The following AGBL1 variants were observed in gnomAD, a reference collection of about 807,000 sequenced individuals.
The protein encoded by AGBL1 is AGBL carboxypeptidase 1, also known as cytosolic carboxypeptidase 4.
AGBL1 carries 130 observed loss-of-function variants against 118.9 expected under a neutral mutation model. That is an observed-to-expected ratio of 1.09 (90% CI 0.95 to 1.26). AGBL1 has a LOEUF of 1.26. Ranked by LOEUF, AGBL1 falls within the 50% of genes most tolerant of loss-of-function variation. The probability of loss-of-function intolerance (pLI) is 0.00; values close to 1 mark genes in which losing one functional copy is unlikely to be tolerated. For synonymous variants in AGBL1, 555 were observed against 478.9 expected (o/e 1.16, Z -2.08); for missense variants, 1,584 against 1,298.1 (o/e 1.22, Z -3.38).
At chr15:86,797,481 C>T (rs552457959) in intron 22 of AGBL1, among the ~76,000 whole-genome samples, 12 of 152,316 alleles carry the variant, frequency 7.9e-5, no homozygotes, top group Admixed American at 6.5e-4. Flanking sequence ...GGCATTTCAA[C>T]CTGCTCACTC....
Position 86,225,090 on chromosome 15 carries a change from C to T in AGBL1, c.526+139C>T. The T allele has an allele frequency of 4.6e-6, 4 of 860,526 alleles. No homozygotes were observed. The South Asian group carries it at 6.7e-5, about 14-fold the overall frequency. 53.3% of individuals were successfully genotyped at this position (860,526 alleles called of 1,614,324 possible). A position where few individuals can be genotyped will look rare whatever the true frequency, so the allele number is the denominator to read the frequency against. ...TCAATCACCTATGGCTAATTCCTGA[C>T]CTTGAAAGTGATAAAGTCATGTCGT... On this transcript the variant is annotated intron_variant, in intron 6 of 22. Transcript: ENST00000614907.
At chr15:86,542,355 G>A (rs1283488757) in intron 19 of AGBL1, among the ~76,000 whole-genome samples, 1 of 112,260 alleles carries the variant, frequency 8.9e-6, no homozygotes, top group Admixed American at 9.0e-5. Flanking sequence ...CCACCATTGA[G>A]ATTTTTTTTT....
intron 22 of AGBL1, among the ~76,000 whole-genome samples, chr15:86,703,345 G>C (rs2086392738): frequency 6.6e-6 from 1 of 152,136 alleles, no homozygotes; most frequent in Non-Finnish European, 1.5e-5. Context: ...GAGCCATATG[G>C]CGTGACTTTA....
intron 5 of AGBL1, among the ~76,000 whole-genome samples, chr15:86,187,151 A>G (rs893560480): frequency 6.6e-6 from 1 of 152,230 alleles, no homozygotes; most frequent in African/African-American, 2.4e-5. Context: ...CCCATCCACA[A>G]ATCAGTTAAC....
intron 22 of AGBL1, among the ~76,000 whole-genome samples, chr15:86,703,056 A>T (rs1482845902): frequency 3.9e-5 from 6 of 152,160 alleles, no homozygotes; most frequent in Non-Finnish European, 7.3e-5. Context: ...CAGTTATTGT[A>T]GTGTCTCAGA....
chr15:86,987,474 C>A (rs889819346), intron 23 of AGBL1, among the ~76,000 whole-genome samples: 1 of 152,008 alleles, frequency 6.6e-6, no homozygotes, highest in South Asian at 2.1e-4. Context: ...AATTGTATGC[C>A]TTTTATTTCT....
At chr15:86,108,299 G>A (rs1482477945) in intron 1 of AGBL1, among the ~76,000 whole-genome samples, 1 of 152,190 alleles carries the variant, frequency 6.6e-6, no homozygotes, top group Admixed American at 6.5e-5. Context: ...AGAAAGGTGA[G>A]ATGATTTTGA....
intron 22 of AGBL1, among the ~76,000 whole-genome samples, chr15:86,757,986 T>A (rs1225736906): frequency 2.0e-5 from 3 of 152,130 alleles, no homozygotes; most frequent in African/African-American, 7.2e-5. Context: ...TTCCTCCTCT[T>A]TATTTAAAGC....
intron 1 of AGBL1, 176 bp downstream of exon 1, chr15:86,080,199 A>G (rs1895172718): frequency 9.7e-6 from 4 of 410,758 alleles, no homozygotes; most frequent in Non-Finnish European, 1.7e-5. Flanking sequence ...TATGGAATTC[A>G]AATATTAAAC....
At chr15:86,456,024 C>A (rs977932121) in intron 18 of AGBL1, among the ~76,000 whole-genome samples, 2 of 152,160 alleles carry the variant, frequency 1.3e-5, no homozygotes, top group Admixed American at 6.6e-5. Context: ...GATATCCTCA[C>A]CTCATTGTCA....
At chr15:86,823,894 A>T (rs2078973496) in intron 22 of AGBL1, among the ~76,000 whole-genome samples, 1 of 152,146 alleles carries the variant, frequency 6.6e-6, no homozygotes, top group Non-Finnish European at 1.5e-5. Flanking sequence ...AAAACCTTTC[A>T]TCTCAGAAAA....
intron 1 of AGBL1, among the ~76,000 whole-genome samples, chr15:86,140,643 G>A (rs1045004663): frequency 6.6e-6 from 1 of 152,160 alleles, no homozygotes; most frequent in African/African-American, 2.4e-5. Context: ...GTGATGTGGA[G>A]ATAGAAGGGA....
chr15:86,776,950 T>C (rs1404104833), intron 22 of AGBL1, among the ~76,000 whole-genome samples: 1 of 152,090 alleles, frequency 6.6e-6, no homozygotes, highest in Non-Finnish European at 1.5e-5. Context: ...TTTTGTGCTC[T>C]AAGAAATTGT....
chr15:86,390,182 G>A (rs1206863582), intron 17 of AGBL1, among the ~76,000 whole-genome samples: 2 of 152,128 alleles, frequency 1.3e-5, no homozygotes, highest in Non-Finnish European at 2.9e-5. Context: ...ATGATAAAAA[G>A]TTCAGTTAAG....
intron 21 of AGBL1, among the ~76,000 whole-genome samples, chr15:86,645,989 G>A (rs183624710): frequency 4.6e-5 from 7 of 152,198 alleles, no homozygotes; most frequent in Admixed American, 1.3e-4. Flanking sequence ...CATTGTTTTC[G>A]GCTTGAGTCG....
At chr15:86,574,428 G>T (rs1423529095) in intron 21 of AGBL1, among the ~76,000 whole-genome samples, 2 of 152,136 alleles carry the variant, frequency 1.3e-5, no homozygotes, top group Non-Finnish European at 2.9e-5. Context: ...TGACTGGTCA[G>T]TCCCAAGGGG....
intron 23 of AGBL1, among the ~76,000 whole-genome samples, chr15:86,977,978 A>G (rs1302925720): frequency 1.3e-5 from 2 of 152,060 alleles, no homozygotes; most frequent in Non-Finnish European, 2.9e-5. Context: ...ATTTTATCAA[A>G]ATTATCTTCT....
chr15:86,668,949 A>C (rs936544967), intron 21 of AGBL1, among the ~76,000 whole-genome samples: 3 of 152,182 alleles, frequency 2.0e-5, no homozygotes, highest in African/African-American at 7.2e-5. Flanking sequence ...TCACAATTCA[A>C]ATGTACCTGT....
chr15:86,927,729 C>T (rs2080560378), intron 23 of AGBL1, among the ~76,000 whole-genome samples: 1 of 151,832 alleles, frequency 6.6e-6, no homozygotes, highest in African/African-American at 2.4e-5. Flanking sequence ...AAAAAATTAC[C>T]ATGTGCCAGC....
Sources: allele counts gnomAD v4.1 joint callset (sites outside exome capture counted in the v4.1 genomes callset), GRCh38; gene constraint gnomAD v4.1.1; transcripts MANE v1.5; gene names NCBI Gene and HGNC (gene_info 2026-07-23, HGNC 2026-07-21).